COL4A6: variants seen among roughly 807,000 people sequenced by gnomAD.
COL4A6 encodes the protein collagen type IV alpha 6 chain.
COL4A6 carries 59 observed loss-of-function variants against 126.7 expected under a neutral mutation model. That is an observed-to-expected ratio of 0.47 (90% CI 0.38 to 0.58). The LOEUF (loss-of-function observed/expected upper bound fraction) is 0.58. COL4A6 is among the 20% of genes least tolerant of loss of function. The probability of loss-of-function intolerance (pLI) is 0.00; values close to 1 mark genes in which losing one functional copy is unlikely to be tolerated. For missense variants in COL4A6, 1,285 were observed against 1,337.3 expected, an observed-to-expected ratio of 0.96 and a Z score of 0.61; for synonymous variants, 547 against 496.6, an observed-to-expected ratio of 1.10 and a Z score of -1.35.
At chrX:108,350,156 T>C (rs2039806698) in intron 2 of COL4A6, among the ~76,000 whole-genome samples, 1 of 111,853 alleles carries the variant, frequency 8.9e-6, no homozygotes, top group Non-Finnish European at 1.9e-5. Flanking sequence ...AAAGGAACTC[T>C]AAAACAAAAA....
chrX:108,335,380 C>A (rs772204590), intron 2 of COL4A6, among the ~76,000 whole-genome samples: 6 of 111,946 alleles, frequency 5.4e-5, no homozygotes, highest in Admixed American at 1.9e-4. Flanking sequence ...GATGAGGTAA[C>A]CTTCCCAATA....
chrX:108,180,856 T>C (rs1602741644), intron 24 of COL4A6, 41 bp downstream of exon 24: 3 of 1,151,679 alleles, frequency 2.6e-6, no homozygotes. Flanking sequence ...TTATGGCCCT[T>C]ACAAGAGTGT....
chrX:108,296,382 G>A (rs1282313775), intron 3 of COL4A6, among the ~76,000 whole-genome samples: 1 of 111,582 alleles, frequency 9.0e-6, no homozygotes, highest in Non-Finnish European at 1.9e-5. Flanking sequence ...TATCATTTCT[G>A]AATCAGAGAG....
intron 3 of COL4A6, among the ~76,000 whole-genome samples, chrX:108,306,616 T>C (rs1173351752): frequency 9.0e-6 from 1 of 111,722 alleles, no homozygotes; most frequent in East Asian, 2.8e-4. Flanking sequence ...TGTTAATGCA[T>C]CTAGGTTCTG....
intron 2 of COL4A6, among the ~76,000 whole-genome samples, chrX:108,327,424 A>T (rs1603095854): frequency 1.2e-5 from 1 of 83,027 alleles, no homozygotes; most frequent in African/African-American, 4.6e-5. Context: ...AGCAGTCCCC[A>T]ACCGGTCCTG....
At chrX:108,414,106 G>A (rs111527576) in intron 2 of COL4A6, among the ~76,000 whole-genome samples, 134 of 112,108 alleles carry the variant, frequency 1.2e-3, no homozygotes, top group African/African-American at 3.9e-3. Context: ...AGGTTGAAGA[G>A]GAAAAGATTA....
intron 3 of COL4A6, among the ~76,000 whole-genome samples, chrX:108,285,270 C>T: frequency 9.0e-6 from 1 of 111,692 alleles, no homozygotes; most frequent in East Asian, 2.8e-4. Flanking sequence ...TCCAAATCAG[C>T]ACTGGAAGTT....
At chrX:108,373,451 C>T (rs1315625431) in intron 2 of COL4A6, among the ~76,000 whole-genome samples, 1 of 111,483 alleles carries the variant, frequency 9.0e-6, no homozygotes, top group Non-Finnish European at 1.9e-5. Flanking sequence ...TTGTGGAGGG[C>T]GTGACCTAAA....
intron 3 of COL4A6, among the ~76,000 whole-genome samples, chrX:108,283,514 T>C (rs184315641): frequency 9.0e-6 from 1 of 111,707 alleles, no homozygotes; most frequent in African/African-American, 3.3e-5. Flanking sequence ...CAAATAATGT[T>C]TGCCTTAGAG....
At chrX:108,283,402 C>T (rs963907191) in intron 3 of COL4A6, among the ~76,000 whole-genome samples, 6 of 111,494 alleles carry the variant, frequency 5.4e-5, no homozygotes, top group Admixed American at 9.5e-5. Flanking sequence ...TCTTTCAAGG[C>T]GACAACCATA....
At chrX:108,199,089 G>A (rs1421192355) in intron 13 of COL4A6, among the ~76,000 whole-genome samples, 1 of 111,562 alleles carries the variant, frequency 9.0e-6, no homozygotes, top group Non-Finnish European at 1.9e-5. Context: ...GGTCACTGCA[G>A]AGGGGCCAAG....
At chrX:108,357,988 AG>A (rs1328139480) in intron 2 of COL4A6, among the ~76,000 whole-genome samples, 1 of 111,586 alleles carries the variant, frequency 9.0e-6, no homozygotes, top group African/African-American at 3.3e-5. Flanking sequence ...AAAGTACCAA[AG>A]TTTGCCAAGA....
intron 3 of COL4A6, among the ~76,000 whole-genome samples, chrX:108,259,506 G>A (rs1188144721): frequency 9.0e-6 from 1 of 111,398 alleles, no homozygotes; most frequent in Non-Finnish European, 1.9e-5. Flanking sequence ...TGTCTTGCGG[G>A]ATTCTCTCCG....
chrX:108,292,960 A>G (rs1469605355), intron 3 of COL4A6, among the ~76,000 whole-genome samples: 1 of 101,657 alleles, frequency 9.8e-6, no homozygotes, highest in African/African-American at 3.6e-5. Flanking sequence ...TAGGAAAAAA[A>G]AAAAAAAAAG....
At chrX:108,257,871 C>A (rs374930226) in intron 3 of COL4A6, among the ~76,000 whole-genome samples, 7 of 111,141 alleles carry the variant, frequency 6.3e-5, no homozygotes, top group Middle Eastern at 4.6e-3. Flanking sequence ...AAGAGTAACG[C>A]GTGGGTAATG....
At chrX:108,358,086 C>T (rs1000052275) in intron 2 of COL4A6, among the ~76,000 whole-genome samples, 3 of 111,592 alleles carry the variant, frequency 2.7e-5, no homozygotes, top group African/African-American at 9.8e-5. Context: ...TTCCCCAAAA[C>T]GTAGGGTGCC....
At chrX:108,347,903 G>C (rs1225383050) in intron 2 of COL4A6, among the ~76,000 whole-genome samples, 1 of 109,496 alleles carries the variant, frequency 9.1e-6, no homozygotes, top group Non-Finnish European at 1.9e-5. Context: ...CATTAAAGCA[G>C]CTCTGAAGCC....
chrX:108,157,492 T>C (rs2033779242), intron 44 of COL4A6, among the ~76,000 whole-genome samples: 1 of 111,512 alleles, frequency 9.0e-6, no homozygotes, highest in Non-Finnish European at 1.9e-5. Context: ...CCAAGCTCCC[T>C]AGTGCCCTCC....
At chrX:108,403,363 T>C (rs1178077135) in intron 2 of COL4A6, among the ~76,000 whole-genome samples, 1 of 109,027 alleles carries the variant, frequency 9.2e-6, no homozygotes, top group African/African-American at 3.3e-5. Context: ...TTCATAATTA[T>C]GTATACAAAT....
Sources: allele counts gnomAD v4.1 joint callset (sites outside exome capture counted in the v4.1 genomes callset), GRCh38; gene constraint gnomAD v4.1.1; transcripts MANE v1.5; gene names NCBI Gene and HGNC (gene_info 2026-07-23, HGNC 2026-07-21).